The following MORC1 variants were observed in gnomAD, a reference collection of about 807,000 sequenced individuals.
The protein encoded by MORC1 is MORC family CW-type zinc finger protein 1.
Under a neutral mutation model 134.9 loss-of-function variants are expected in MORC1, and 59 were observed. The observed-to-expected ratio is 0.44, with a 90% CI of 0.35 to 0.54. MORC1 has a LOEUF of 0.54. Ranked by LOEUF, MORC1 falls within the 20% of genes least tolerant of loss-of-function variation. The pLI, the probability that MORC1 is intolerant of heterozygous loss-of-function variation, is 0.00. For missense variants in MORC1, 947 were observed against 1,134.5 expected (o/e 0.83, Z 2.37); for synonymous variants, 395 against 391.7 (o/e 1.01, Z -0.10).
At chr3:109,003,859 G>C (rs907164162) in intron 20 of MORC1, among the ~76,000 whole-genome samples, 4 of 152,136 alleles carry the variant, frequency 2.6e-5, no homozygotes, top group African/African-American at 9.7e-5. Flanking sequence ...CCCAAAAATG[G>C]TATTAAGGAA....
chr3:109,085,078 T>A (rs1459656473), intron 8 of MORC1, among the ~76,000 whole-genome samples: 1 of 151,978 alleles, frequency 6.6e-6, no homozygotes, highest in Non-Finnish European at 1.5e-5. Flanking sequence ...GGGGAAACTC[T>A]CCAGGAAATT....
intron 3 of MORC1, chr3:109,109,759 C>A (rs1699812630): frequency 6.6e-6 from 1 of 152,260 alleles, no homozygotes; most frequent in African/African-American, 2.4e-5. Context: ...GCATTTTCCT[C>A]CTAGGAGAGA....
At chr3:109,068,704 C>A (rs1210309826) in intron 9 of MORC1, among the ~76,000 whole-genome samples, 2 of 152,190 alleles carry the variant, frequency 1.3e-5, no homozygotes, top group African/African-American at 4.8e-5. Flanking sequence ...CAAATAACTT[C>A]TTTTCCTCTA....
At chr3:109,023,782 A>C (rs1166682231) in intron 17 of MORC1, among the ~76,000 whole-genome samples, 1 of 152,222 alleles carries the variant, frequency 6.6e-6, no homozygotes, top group African/African-American at 2.4e-5. Flanking sequence ...CCAAAAAATA[A>C]CAATTATCCA....
At chr3:109,061,456 T>C (rs977350317) in intron 11 of MORC1, among the ~76,000 whole-genome samples, 27 of 152,204 alleles carry the variant, frequency 1.8e-4, no homozygotes, top group Non-Finnish European at 5.9e-5. Flanking sequence ...TTATGAACTG[T>C]GTGGAGAAAC....
chr3:109,041,406 A>G (rs1949543016), intron 14 of MORC1, among the ~76,000 whole-genome samples: 1 of 151,970 alleles, frequency 6.6e-6, no homozygotes, highest in South Asian at 2.1e-4. Context: ...AATGAACAAC[A>G]ACAAAAAAAT....
intron 13 of MORC1, among the ~76,000 whole-genome samples, chr3:109,055,668 ACATT>A (rs1335778563): frequency 6.6e-6 from 1 of 152,180 alleles, no homozygotes; most frequent in African/African-American, 2.4e-5. Context: ...CTCTAACATA[ACATT>A]CATTCATTCA....
Position 108,959,985 on chromosome 3 carries a change from G to A in MORC1, c.2800-865C>T, listed in dbSNP as rs549570024. Among the ~76,000 whole-genome samples, 4 of 152,272 alleles carry A rather than the reference G, an allele frequency of 2.6e-5. No individual in the cohort carries two copies. The South Asian group carries it at 8.3e-4, about 32-fold the overall frequency. ...ATGGGGACAATGTCCCCAATGGAGA[G>A]CCTATAACAGAGAAGGATGAGATTA... On this transcript the variant is annotated intron_variant, in intron 27 of 27. Coordinates refer to ENST00000232603, the MANE Select transcript of MORC1 (RefSeq NM_014429.4).
chr3:109,035,168 T>C (rs1949345361), intron 15 of MORC1, among the ~76,000 whole-genome samples, 172 bp downstream of exon 15: 1 of 152,220 alleles, frequency 6.6e-6, no homozygotes, highest in African/African-American at 2.4e-5. Flanking sequence ...ACTTACCTTA[T>C]TTTTCCCTGT....
intron 20 of MORC1, among the ~76,000 whole-genome samples, chr3:109,004,056 A>T (rs1948477940): frequency 6.6e-6 from 1 of 152,142 alleles, no homozygotes; most frequent in Non-Finnish European, 1.5e-5. Flanking sequence ...CGACAGAGCG[A>T]GACTTCGTCT....
rs971436766 is a variant in MORC1, at chr3:109,028,261, T to C, written c.1566-372A>G. Among the ~76,000 whole-genome samples the C allele has an allele frequency of 4.6e-5, 7 of 152,144 alleles. No individual in the cohort carries two copies. The East Asian group carries it at 5.8e-4, about 13-fold the overall frequency. ...CCCCCCCAAAAAAGGTAGCGAAATA[T>C]ATATGTCTCTTTAAAATATAGCAAA... On this transcript the variant is annotated intron_variant, in intron 16 of 27. Coordinates refer to ENST00000232603, the MANE Select transcript of MORC1 (RefSeq NM_014429.4).
At chr3:109,041,060 C>G (rs1408778230) in intron 14 of MORC1, among the ~76,000 whole-genome samples, 1 of 151,682 alleles carries the variant, frequency 6.6e-6, no homozygotes, top group African/African-American at 2.4e-5. Flanking sequence ...GCCTGTAATC[C>G]CAGCACTTTG....
chr3:108,977,793 T>C (rs1947602750), intron 24 of MORC1, among the ~76,000 whole-genome samples: 1 of 152,014 alleles, frequency 6.6e-6, no homozygotes. Flanking sequence ...AGGCAGAGGG[T>C]GGGAAACTAG....
intron 21 of MORC1, among the ~76,000 whole-genome samples, chr3:108,995,570 A>G (rs1576609728): frequency 6.6e-6 from 1 of 152,258 alleles, no homozygotes; most frequent in Non-Finnish European, 1.5e-5. Context: ...ATAATCTTGG[A>G]CAAGAAAAAT....
In MORC1 at chr3:109,017,609, T is replaced by A. The variant is rs77738167; in HGVS notation, c.1704+10142A>T. On this transcript the variant is annotated intron_variant, in intron 17 of 27. Transcript: ENST00000232603. Reference sequence around the variant, plus strand: ...CTATAGTTTTAAAAATACATTTTTTTAAAATCACATATGTACTTTTTTTGA... The same window carrying A: ...CTATAGTTTTAAAAATACATTTTTTAAAAATCACATATGTACTTTTTTTGA... 2.6e-4 allele frequency among the ~76,000 whole-genome samples: 39 copies of A among 152,364 alleles called. No individual in the cohort carries two copies. The East Asian group carries it at 6.5e-3, about 26-fold the overall frequency.
At chr3:109,005,371 A>C in intron 18 of MORC1, 56 bp from the exon 19 acceptor site, 6 of 1,455,990 alleles carry the variant, frequency 4.1e-6, no homozygotes, top group Non-Finnish European at 5.5e-6. Context: ...TTTATAATTA[A>C]TCACCACTTC....
At chr3:109,015,269 C>T (rs1948791016) in intron 17 of MORC1, among the ~76,000 whole-genome samples, 1 of 152,116 alleles carries the variant, frequency 6.6e-6, no homozygotes, top group East Asian at 1.9e-4. Context: ...AAAATTCACT[C>T]ACAATTGGAA....
intron 6 of MORC1, among the ~76,000 whole-genome samples, chr3:109,098,276 T>G (rs919197116): frequency 6.6e-6 from 1 of 152,100 alleles, no homozygotes; most frequent in Non-Finnish European, 1.5e-5. Context: ...GTGGTTGCTG[T>G]TTTTAGTTTT....
chr3:109,007,061 C>A lies in MORC1; in HGVS notation c.1735G>T (p.Val579Phe), dbSNP rs373044410. The A allele has an allele frequency of 1.2e-6, 2 of 1,612,260 alleles. No individual in the cohort carries two copies. The highest frequency in any genetic ancestry group is 1.7e-6 in the Non-Finnish European group (2 of 1,179,212). ...GCTGAAGTTAGGCAGGTGGAAGTGA[C>A]AGTGATTTCGTCCACTGGTATAAAT... is the stretch of plus-strand genomic sequence containing the variant. ...PQFIPVDEIT[V>F]TSTCLTSAHK... Residue 579 changes from valine to phenylalanine, a missense_variant, in exon 18 of 28, where the codon GTC (valine) becomes TTC (phenylalanine). Physicochemically the swap from Val to Phe is conservative, Grantham distance 50. Around this residue, in one of 3 missense-constraint regions of MORC1, gnomAD observed 722 missense variants for 817.0 expected, o/e 0.88. Transcript: ENST00000232603.
Sources: gnomAD v4.1 joint callset for allele counts (sites outside exome capture counted in the v4.1 genomes callset) on GRCh38, gnomAD v4.1.1 for gene constraint, gnomAD v4.1.1 regional missense constraint, MANE v1.5 for transcripts, NCBI Gene and HGNC (gene_info 2026-07-23, HGNC 2026-07-21) for gene names.